Variants in CNGB1 observed in about 807,000 individuals in gnomAD.
The protein encoded by CNGB1 is cyclic nucleotide gated channel subunit beta 1, also known as cyclic nucleotide-gated channel beta-1.
A neutral mutation model predicts 151.7 loss-of-function variants in CNGB1; 126 were observed. The ratio of observed to expected loss-of-function variants is 0.83; its 90% confidence interval spans 0.72 to 0.96. The LOEUF (loss-of-function observed/expected upper bound fraction) is 0.96. Among genes scored for constraint, CNGB1 ranks in the 40% least tolerant of loss-of-function variants. The probability of loss-of-function intolerance (pLI) is 0.00; values close to 1 mark genes in which losing one functional copy is unlikely to be tolerated. For missense variants in CNGB1, 1,698 were observed against 1,627.0 expected, an observed-to-expected ratio of 1.04 and a Z score of -0.75; for synonymous variants, 623 against 635.1, an observed-to-expected ratio of 0.98 and a Z score of 0.29.
chr16:57,911,688 G>A lies in CNGB1; in HGVS notation c.2492+65C>T, dbSNP rs181361909. 2,800 of 1,605,664 alleles carry A rather than the reference G, an allele frequency of 1.7e-3. 4 individuals carry two copies. Among genetic ancestry groups the A allele is most frequent in the Non-Finnish European group, 2.0e-3 (2,396 of 1,175,084 alleles). ...TAAGACTCCTTCCTGGAGTCTCTGT[G>A]CTGCGAATTATAAAGAACAGGAAGG... is the stretch of plus-strand genomic sequence containing the variant. On this transcript the variant is annotated intron_variant, in intron 25 of 32. Transcript: ENST00000251102.
chr16:57,904,838 T>C lies in CNGB1; in HGVS notation c.2530A>G (p.Ile844Val), dbSNP rs1423244650. Reference protein sequence around the residue: ...RCYYFAVKTLITIGGLPDPKT... With the variant: ...RCYYFAVKTLVTIGGLPDPKT... ...GGGTCAGGCAGCCCCCCGATGGTGA[T>C]GAGGGTCTTCACAGCAAAGTAGTAA... The change falls in exon 26 of 33, where the codon ATC becomes GTC. Residue 844 changes from isoleucine to valine, a missense_variant. Physicochemically the swap from Ile to Val is conservative, Grantham distance 29 (BLOSUM62 3). Transcript: ENST00000251102. The C allele has an allele frequency of 1.2e-6, 2 of 1,614,126 alleles. No individual in the cohort carries two copies. The highest frequency in any genetic ancestry group is 1.7e-5 in the Admixed American group (1 of 60,022).
At chr16:57,949,472 A>T (rs550883033) in intron 13 of CNGB1, 33 bp from the exon 14 acceptor site, 1 of 1,612,238 alleles carries the variant, frequency 6.2e-7, no homozygotes, top group South Asian at 1.1e-5. Flanking sequence ...AGGTGAGCCC[A>T]CCCGAAGCTG....
chr16:57,935,572 C>T (rs536681623), intron 16 of CNGB1, among the ~76,000 whole-genome samples: 35 of 151,868 alleles, frequency 2.3e-4, no homozygotes, highest in African/African-American at 8.2e-4. Flanking sequence ...CCCAGCTACT[C>T]GGGAGGCGGA....
chr16:57,911,533 C>A (rs1317250651), intron 25 of CNGB1, among the ~76,000 whole-genome samples: 2 of 152,208 alleles, frequency 1.3e-5, no homozygotes, highest in Non-Finnish European at 2.9e-5. Context: ...AGGTGATCCG[C>A]CTGCCTTGGC....
At chr16:57,947,980 C>T (rs1961850094) in intron 14 of CNGB1, among the ~76,000 whole-genome samples, 1 of 152,234 alleles carries the variant, frequency 6.6e-6, no homozygotes, top group African/African-American at 2.4e-5. Context: ...ATGCCAAAGC[C>T]TGTGCTCCTA....
chr16:57,930,524 G>T (rs1961316020), intron 17 of CNGB1, among the ~76,000 whole-genome samples: 1 of 135,584 alleles, frequency 7.4e-6, no homozygotes, highest in Admixed American at 7.6e-5. Context: ...GGGAGGGAAG[G>T]AGAGGGGAAG....
rs773107940 is a variant in CNGB1 at position 57,962,883 on chromosome 16, C to T, written c.382-11G>A. 2.5e-6 allele frequency: 4 copies of T among 1,611,748 alleles called. No homozygotes were observed. Among genetic ancestry groups the T allele is most frequent in the Admixed American group, 3.3e-5 (2 of 60,028 alleles). On this transcript the variant is annotated splice_polypyrimidine_tract_variant and intron_variant, in intron 5 of 32. Coordinates refer to ENST00000251102, the MANE Select transcript of CNGB1 (RefSeq NM_001297.5). ...GCCATGCCCCAGGATCTGCCAGGGA[C>T]AGACAGACAGACATGGGCAGGGAGC...
At chr16:57,896,748 AT>A (rs1335959024) in intron 31 of CNGB1, among the ~76,000 whole-genome samples, 83 of 149,502 alleles carry the variant, frequency 5.6e-4, no homozygotes, top group Non-Finnish European at 4.8e-4. Context: ...AAATAAATAA[AT>A]AAATAAATAA....
Position 57,956,927 on chromosome 16 carries a change from G to A in CNGB1, c.874+414C>T, listed in dbSNP as rs144713654. 7.8e-3 allele frequency among the ~76,000 whole-genome samples: 1,186 copies of A among 152,266 alleles called. 9 individuals carry two copies. The highest frequency in any genetic ancestry group is 0.027 in the African/African-American group (1,136 of 41,540). On this transcript the variant is annotated intron_variant, in intron 12 of 32. Transcript: ENST00000251102. The stretch of plus-strand genomic sequence containing the variant: ...GGACCCCCTCCAGCTCAAGGGAGCT[G>A]GAGGCTGTGGAGCCTGGTTCTCCCA...
At chr16:57,911,100 G>T (rs1377883169) in intron 25 of CNGB1, among the ~76,000 whole-genome samples, 1 of 152,070 alleles carries the variant, frequency 6.6e-6, no homozygotes, top group African/African-American at 2.4e-5. Flanking sequence ...GTATTCTCTG[G>T]CCTCATTCCC....
intron 22 of CNGB1, among the ~76,000 whole-genome samples, chr16:57,915,736 T>C: frequency 6.6e-6 from 1 of 151,632 alleles, no homozygotes; most frequent in East Asian, 1.9e-4. Flanking sequence ...CTGTCTCTTC[T>C]AAAAATACAA....
At position 57,903,878 on chromosome 16, in the gene CNGB1, A is replaced by G. The variant is rs751512020; in HGVS notation, c.2738T>C (p.Val913Ala). 5.0e-6 allele frequency: 8 copies of G among 1,614,074 alleles called. No homozygotes were observed. The Admixed American group carries it at 1.0e-4, about 20-fold the overall frequency. The change falls in exon 27 of 33, where the codon GTG (valine) becomes GCG (alanine). Residue 913 changes from valine (V) to alanine (A), a missense_variant. Val to Ala is a moderately conservative substitution (Grantham distance 64). Coordinates refer to ENST00000251102, the MANE Select transcript of CNGB1 (RefSeq NM_001297.5). Reference sequence around the variant, plus strand: ...GTACCAGGTCTTGACGCGGTTCTGCACGGACTTGGGGATCTTGTAGAAATT... The same window carrying G: ...GTACCAGGTCTTGACGCGGTTCTGCGCGGACTTGGGGATCTTGTAGAAATT... ...YMNFYKIPKSVQNRVKTWYEY... is the reference protein window; with the variant it reads ...YMNFYKIPKSAQNRVKTWYEY...
At chr16:57,960,636 T>G (rs1962224760) in intron 8 of CNGB1, 106 bp from the exon 9 acceptor site, 2 of 1,444,566 alleles carry the variant, frequency 1.4e-6, no homozygotes, top group Non-Finnish European at 1.9e-6. Flanking sequence ...GAGCCGGGGA[T>G]GGGGGTGGGG....
intron 1 of CNGB1, among the ~76,000 whole-genome samples, chr16:57,968,056 A>G (rs1483202003): frequency 3.9e-5 from 6 of 152,230 alleles, no homozygotes; most frequent in Admixed American, 3.9e-4. Flanking sequence ...AGTCTAATTG[A>G]GCTAGCAAGA....
At position 57,913,072 on chromosome 16, in the gene CNGB1, C is replaced by T. The variant is rs573620305; in HGVS notation, c.2305-78G>A. 38 of 1,331,736 alleles carry T rather than the reference C, an allele frequency of 2.9e-5. No individual in the cohort carries two copies. The African/African-American group carries it at 4.3e-4, about 15-fold the overall frequency. The allele number at this position is 1,331,736 out of a possible 1,614,324, so 82.5% of individuals were successfully genotyped here. On this transcript the variant is annotated intron_variant, in intron 23 of 32. Transcript: ENST00000251102. ...GCTCCCACGCCCACGGGCGCCGAGA[C>T]TCAGGGCTCTTCCTGCAGCCCCCAG...
rs199591689 is a variant in CNGB1, at chr16:57,967,114, G to A, written c.159+14C>T. 6,969 of 1,613,968 alleles carry A rather than the reference G, an allele frequency of 4.3e-3. 23 individuals carry two copies. Among genetic ancestry groups the A allele is most frequent in the Non-Finnish European group, 5.5e-3 (6,488 of 1,179,968 alleles). On this transcript the variant is annotated intron_variant, in intron 2 of 32. Transcript: ENST00000251102. ...GCGAGGCCGGCCTGCCCCTCCTCCCGCTCTACCTCTCACCATGGACTCGGA... is the reference window on the plus strand; with the variant it reads ...GCGAGGCCGGCCTGCCCCTCCTCCCACTCTACCTCTCACCATGGACTCGGA...
Position 57,961,670 on chromosome 16 carries a change from G to A in CNGB1, c.459-755C>T, listed in dbSNP as rs1034173869. Among the ~76,000 whole-genome samples, 36 of 140,766 alleles carry A rather than the reference G, an allele frequency of 2.6e-4. No homozygotes were observed. In the East Asian group the frequency reaches 5.5e-3, roughly 22 times the overall value. The allele number at this position is 140,766 out of a possible 152,430, so 92.3% of individuals were successfully genotyped here. ...AATGAATGAATGAATGAATGAATGA[G>A]TGAATGAAGTGTGTGATTATATATA... is the stretch of plus-strand genomic sequence containing the variant. On this transcript the variant is annotated intron_variant, in intron 7 of 32. Coordinates refer to ENST00000251102, the MANE Select transcript of CNGB1 (RefSeq NM_001297.5).
chr16:57,913,548 A>G (rs1448036883), intron 23 of CNGB1, among the ~76,000 whole-genome samples: 1 of 152,128 alleles, frequency 6.6e-6, no homozygotes, highest in Non-Finnish European at 1.5e-5. Context: ...TGGTACAGTC[A>G]TAGATAACCA....
At chr16:57,945,317 C>A (rs1961779281) in intron 14 of CNGB1, among the ~76,000 whole-genome samples, 1 of 152,240 alleles carries the variant, frequency 6.6e-6, no homozygotes, top group Non-Finnish European at 1.5e-5. Flanking sequence ...GGATGACTTT[C>A]CTGAAATAGA....
Sources: gnomAD v4.1 joint callset for allele counts (sites outside exome capture counted in the v4.1 genomes callset) on GRCh38, gnomAD v4.1.1 for gene constraint, MANE v1.5 for transcripts, NCBI Gene and HGNC (gene_info 2026-07-23, HGNC 2026-07-21) for gene names.